The following LRIG1 variants were observed in gnomAD, a reference collection of about 807,000 sequenced individuals.
LRIG1 encodes the protein leucine-rich repeats and immunoglobulin-like domains protein 1.
Under a neutral mutation model 99.2 loss-of-function variants are expected in LRIG1, and 48 were observed. The ratio of observed to expected loss-of-function variants is 0.48; its 90% CI spans 0.38 to 0.62. The LOEUF (loss-of-function observed/expected upper bound fraction) is 0.62, where lower values mean the gene tolerates loss of function less well. Ranked by LOEUF, LRIG1 falls within the 20% of genes least tolerant of loss-of-function variation. The pLI is 0.00. For missense variants in LRIG1, 1,646 were observed against 1,434.4 expected (o/e 1.15, Z -2.38); for synonymous variants, 772 against 596.1 (o/e 1.29, Z -4.30).
chr3:66,500,172 G>A lies in LRIG1; in HGVS notation c.218+18C>T. 4.0e-6 allele frequency: 6 copies of A among 1,509,316 alleles called. No individual in the cohort carries two copies. The highest frequency in any genetic ancestry group is 1.4e-5 in the African/African-American group (1 of 70,378). 93.5% of individuals were successfully genotyped at this position (1,509,316 alleles called of 1,614,324 possible). ...CAGAGCCCCGGGGCGCAGAGAGGGCGGAAAGGGCGGCACTCACAGGCTCCG... is the reference window on the plus strand; with the variant it reads ...CAGAGCCCCGGGGCGCAGAGAGGGCAGAAAGGGCGGCACTCACAGGCTCCG... On this transcript the variant is annotated intron_variant, in intron 1 of 18. Transcript: ENST00000273261.
intron 3 of LRIG1, among the ~76,000 whole-genome samples, chr3:66,439,207 A>T (rs1443227793): frequency 6.6e-6 from 1 of 152,244 alleles, no homozygotes; most frequent in Non-Finnish European, 1.5e-5. Context: ...CCCCGGGCCC[A>T]GCCCACGAAG....
rs139146895 is a variant in LRIG1 at position 66,383,216 on chromosome 3, C to A, written c.2257G>T (p.Val753Leu). 4.3e-6 allele frequency: 7 copies of A among 1,614,246 alleles called. No individual in the cohort carries two copies. The highest frequency in any genetic ancestry group is 5.9e-6 in the Non-Finnish European group (7 of 1,180,050). ...TATCGGCCCGCATCCTCTGCCACCA[C>A]GTTCTGAACCACCAGGAGCTGGTTG... Reference protein sequence around the residue: ...PDNQLLVVQNVVAEDAGRYTC... With the variant: ...PDNQLLVVQNLVAEDAGRYTC... Residue 753 changes from valine (V) to leucine (L), a missense_variant, in exon 15 of 19, where the codon GTG (valine) becomes TTG (leucine). Val to Leu is a conservative substitution (Grantham distance 32). Transcript: ENST00000273261.
chr3:66,486,137 T>C (rs1700969049), intron 1 of LRIG1, among the ~76,000 whole-genome samples: 1 of 152,188 alleles, frequency 6.6e-6, no homozygotes, highest in African/African-American at 2.4e-5. Flanking sequence ...AGATATATCC[T>C]GCTGCAGAAA....
intron 8 of LRIG1, 46 bp downstream of exon 8, chr3:66,407,302 C>T (rs371390125): frequency 5.8e-5 from 93 of 1,608,270 alleles, no homozygotes; most frequent in Non-Finnish European, 7.7e-5. Context: ...CTATTCTGCT[C>T]TCCCCACTGG....
At chr3:66,480,546 T>C (rs1194122121) in intron 1 of LRIG1, among the ~76,000 whole-genome samples, 1 of 151,322 alleles carries the variant, frequency 6.6e-6, no homozygotes, top group Non-Finnish European at 1.5e-5. Flanking sequence ...ACCTAGCTAC[T>C]TCCATACCAC....
At chr3:66,401,115 C>T (rs571073942) in intron 9 of LRIG1, among the ~76,000 whole-genome samples, 5 of 152,338 alleles carry the variant, frequency 3.3e-5, no homozygotes, top group South Asian at 2.1e-4. Flanking sequence ...AGACCCTCTG[C>T]GTTTTCTTTC....
At chr3:66,392,504 C>T (rs1483031943) in intron 12 of LRIG1, among the ~76,000 whole-genome samples, 2 of 151,950 alleles carry the variant, frequency 1.3e-5, no homozygotes, top group African/African-American at 4.8e-5. Context: ...GCTTATGTTT[C>T]CGTTTTTAAA....
intron 2 of LRIG1, among the ~76,000 whole-genome samples, chr3:66,459,307 A>G (rs1335965590): frequency 6.6e-6 from 1 of 152,210 alleles, no homozygotes; most frequent in Non-Finnish European, 1.5e-5. Context: ...AACAACAGGA[A>G]CAGGGAGTTA....
At chr3:66,392,313 G>A (rs1701649434) in intron 12 of LRIG1, among the ~76,000 whole-genome samples, 1 of 152,218 alleles carries the variant, frequency 6.6e-6, no homozygotes. Flanking sequence ...ATACACCCAA[G>A]AGTGGAACTG....
intron 1 of LRIG1, among the ~76,000 whole-genome samples, chr3:66,490,335 A>G (rs1050273963): frequency 3.9e-5 from 6 of 152,240 alleles, no homozygotes; most frequent in Admixed American, 2.6e-4. Flanking sequence ...CTCTGCATCC[A>G]TCACTTCATT....
chr3:66,465,357 A>ATTTTTTTTTTT (rs59148647), intron 1 of LRIG1, among the ~76,000 whole-genome samples: 1 of 67,728 alleles, frequency 1.5e-5, no homozygotes, highest in Non-Finnish European at 3.0e-5. Context: ...TCTGAGCATA[A>ATTTTTTTTTTT]TTTTTTTTTT....
intron 3 of LRIG1, among the ~76,000 whole-genome samples, chr3:66,442,988 A>G (rs1703593470): frequency 6.6e-6 from 1 of 152,098 alleles, no homozygotes; most frequent in Non-Finnish European, 1.5e-5. Context: ...AAGGAAAGAA[A>G]AGAGAGAAGG....
At chr3:66,413,088 T>G (rs900883322) in intron 5 of LRIG1, 74 bp from the exon 6 acceptor site, 11 of 1,561,024 alleles carry the variant, frequency 7.0e-6, no homozygotes, top group African/African-American at 2.7e-5. Context: ...GAAGCAGTCC[T>G]GGCTAAGTTT....
chr3:66,433,632 C>A (rs1471099032), intron 3 of LRIG1, among the ~76,000 whole-genome samples: 1 of 152,244 alleles, frequency 6.6e-6, no homozygotes, highest in Non-Finnish European at 1.5e-5. Flanking sequence ...CCCAATCATA[C>A]GATTTACAAT....
intron 3 of LRIG1, among the ~76,000 whole-genome samples, chr3:66,448,355 G>A (rs1047711741): frequency 1.2e-4 from 18 of 152,132 alleles, no homozygotes; most frequent in African/African-American, 3.6e-4. Context: ...CAGAGAGAAA[G>A]GGCCAACTTC....
chr3:66,493,362 C>A (rs897880073), intron 1 of LRIG1, among the ~76,000 whole-genome samples: 1 of 152,160 alleles, frequency 6.6e-6, no homozygotes, highest in Middle Eastern at 3.2e-3. Context: ...ACTATTTGTA[C>A]AACTGGAATA....
rs749199016 is a variant in LRIG1 at position 66,382,384 on chromosome 3, G to C, written c.2506C>G (p.Pro836Ala). Residue 836 changes from proline (P) to alanine (A), a missense_variant, in exon 16 of 19, where the codon CCA becomes GCA. Transcript: ENST00000273261. ...GAGAGGTAGCTTGGAACATCTGGTG[G>C]CACGACGGTTTCATCTGCAAGGAGA... ...SVTNTDETVV[P>A]PDVPSYLSSQ... The C allele has an allele frequency of 6.2e-7, 1 of 1,614,082 alleles. No homozygotes were observed. Among genetic ancestry groups the C allele is most frequent in the South Asian group, 1.1e-5 (1 of 91,088 alleles).
At chr3:66,440,365 G>C (rs1483072064) in intron 3 of LRIG1, among the ~76,000 whole-genome samples, 1 of 152,144 alleles carries the variant, frequency 6.6e-6, no homozygotes, top group Admixed American at 6.5e-5. Flanking sequence ...TTTGCTGCTT[G>C]CTGCACCTAC....
intron 1 of LRIG1, among the ~76,000 whole-genome samples, chr3:66,467,730 CA>C (rs1245793268): frequency 2.0e-5 from 3 of 152,244 alleles, no homozygotes; most frequent in African/African-American, 7.2e-5. Flanking sequence ...ACAATGCAGA[CA>C]GAGGTTATTT....
Sources: gnomAD v4.1 joint callset for allele counts (sites outside exome capture counted in the v4.1 genomes callset) on GRCh38, gnomAD v4.1.1 for gene constraint, MANE v1.5 for transcripts, NCBI Gene and HGNC (gene_info 2026-07-23, HGNC 2026-07-21) for gene names.